CHL1: variants seen among roughly 807,000 people sequenced by gnomAD.
The protein encoded by CHL1 is neural cell adhesion molecule L1-like protein.
In CHL1, 96 loss-of-function variants were observed where a neutral mutation model predicts 141.9. That is an observed-to-expected ratio of 0.68 (90% CI 0.57 to 0.80). The LOEUF (loss-of-function observed/expected upper bound fraction) is 0.80. Among genes scored for constraint, CHL1 ranks in the 30% least tolerant of loss-of-function variants. The probability of loss-of-function intolerance (pLI) is 0.00; values close to 1 mark genes in which losing one functional copy is unlikely to be tolerated. For synonymous variants in CHL1, 613 were observed against 502.2 expected (o/e 1.22, Z -2.95); for missense variants, 1,820 against 1,457.2 (o/e 1.25, Z -4.05).
chr3:280,326 C>T (rs1314721173), intron 2 of CHL1, among the ~76,000 whole-genome samples: 1 of 151,610 alleles, frequency 6.6e-6, no homozygotes, highest in Non-Finnish European at 1.5e-5. Flanking sequence ...GTAGCTATAC[C>T]ATTTTCTAAC....
At position 349,518 on chromosome 3, in the gene CHL1, T is replaced by A; in HGVS notation, c.1008T>A (p.Thr336=). 1.2e-6 allele frequency: 2 copies of A among 1,613,508 alleles called. No individual in the cohort carries two copies. The highest frequency in any genetic ancestry group is 1.7e-6 in the Non-Finnish European group (2 of 1,179,788). ...CCAGCAATTTCTTGGGAACAGCCAC[T>A]CACGATTTTCACGTTATAGTAGAAG... The part of the protein sequence containing the change: ...CTASNFLGTA[T]HDFHVIVEEP... The change falls in exon 10 of 28, where the codon ACT becomes ACA. Residue 336 remains threonine, a synonymous_variant. Transcript: ENST00000256509.
intron 1 of CHL1, chr3:217,688 C>T (rs578089704): frequency 9.2e-5 from 14 of 152,462 alleles, no homozygotes; most frequent in African/African-American, 3.1e-4. Context: ...TGGGAGAAAC[C>T]AGCTGGCACA....
intron 11 of CHL1, among the ~76,000 whole-genome samples, chr3:356,618 T>C (rs566989915): frequency 2.0e-5 from 3 of 152,232 alleles, no homozygotes; most frequent in Non-Finnish European, 2.9e-5. Context: ...AAGATCATAA[T>C]AGTAAGACCC....
intron 2 of CHL1, among the ~76,000 whole-genome samples, chr3:245,066 G>A (rs1693035498): frequency 6.6e-6 from 1 of 152,152 alleles, no homozygotes; most frequent in East Asian, 1.9e-4. Flanking sequence ...AAGGAGGCTT[G>A]AAGTTTCAGT....
In CHL1 at chr3:368,368, A is replaced by G. The variant is rs971835460; in HGVS notation, c.1751+2253A>G. On this transcript the variant is annotated intron_variant, in intron 15 of 27. Coordinates refer to ENST00000256509, the MANE Select transcript of CHL1 (RefSeq NM_006614.4). ...GATCGGTCATGTTGAGCTTTTTTTC[A>G]TATGTTTGTTGGCCATGTAAATGTC... Among the ~76,000 whole-genome samples, 3 of 151,828 alleles carry G rather than the reference A, an allele frequency of 2.0e-5. No individual in the cohort carries two copies. In the East Asian group the frequency reaches 5.8e-4, roughly 29 times the overall value.
chr3:394,994 C>G (rs572637922), intron 24 of CHL1, 122 bp downstream of exon 24: 2 of 825,646 alleles, frequency 2.4e-6, no homozygotes, highest in Non-Finnish European at 3.6e-6. Context: ...ATTGTGATCC[C>G]ACTCTGTCTG....
chr3:391,721 C>T lies in CHL1; in HGVS notation c.2838C>T (p.Asp946=). The change falls in exon 23 of 28, where the codon GAC becomes GAT. Residue 946 remains aspartate, a synonymous_variant. Coordinates refer to ENST00000256509, the MANE Select transcript of CHL1 (RefSeq NM_006614.4). ...TAAAGGTCATCAAAGTTGATAAAGA[C>T]ACTGCCACTTTATCTTGGGGACTAC... is the stretch of plus-strand genomic sequence containing the variant. ...TFLKVIKVDK[D]TATLSWGLPK... 6.2e-7 allele frequency: 1 copy of T among 1,602,978 alleles called. No individual in the cohort carries two copies. The highest frequency in any genetic ancestry group is 8.5e-7 in the Non-Finnish European group (1 of 1,171,508).
At chr3:293,329 T>G (rs767942273) in intron 2 of CHL1, among the ~76,000 whole-genome samples, 7 of 151,830 alleles carry the variant, frequency 4.6e-5, no homozygotes, top group Non-Finnish European at 1.0e-4. Flanking sequence ...TGGGGAAAAC[T>G]TGTCTCTACT....
rs183319323 is a variant in CHL1, at chr3:207,874, A to G, written c.-175+10811A>G. Among the ~76,000 whole-genome samples the G allele has an allele frequency of 2.0e-5, 3 of 152,170 alleles. No individual in the cohort carries two copies. In the South Asian group the frequency reaches 6.2e-4, roughly 31 times the overall value. On this transcript the variant is annotated intron_variant, in intron 1 of 27. Coordinates refer to ENST00000256509, the MANE Select transcript of CHL1 (RefSeq NM_006614.4). The stretch of plus-strand genomic sequence containing the variant: ...GCTGAATAGATTTTGAACACAATTG[A>G]TTTGCTTGAAATAACATTAAAGGAC...
chr3:211,378 A>G (rs1485446558), intron 1 of CHL1, among the ~76,000 whole-genome samples: 1 of 152,198 alleles, frequency 6.6e-6, no homozygotes, highest in Non-Finnish European at 1.5e-5. Context: ...GAGAGCACAG[A>G]GTAGGATGCA....
chr3:353,801 G>T (rs563742806), intron 10 of CHL1, among the ~76,000 whole-genome samples: 1 of 152,280 alleles, frequency 6.6e-6, no homozygotes, highest in East Asian at 1.9e-4. Context: ...GATGGGAGTT[G>T]CTACCTGCAG....
In CHL1 at chr3:311,921, C is replaced by T. The variant is rs141069052; in HGVS notation, c.-94-7762C>T. On this transcript the variant is annotated intron_variant, in intron 2 of 27. Coordinates refer to ENST00000256509, the MANE Select transcript of CHL1 (RefSeq NM_006614.4). ...TGGGATTATTCTCCATCCCTGTAGTCAAATGACCATGAATTTCCGTAATTT... is the reference window on the plus strand; with the variant it reads ...TGGGATTATTCTCCATCCCTGTAGTTAAATGACCATGAATTTCCGTAATTT... 2.2e-3 allele frequency among the ~76,000 whole-genome samples: 335 copies of T among 152,234 alleles called. 2 individuals carry two copies. The highest frequency in any genetic ancestry group is 7.2e-3 in the African/African-American group (299 of 41,542).
At position 267,454 on chromosome 3, in the gene CHL1, A is replaced by C. The variant is rs187285927; in HGVS notation, c.-95+22762A>C. Among the ~76,000 whole-genome samples, 36 of 152,320 alleles carry C rather than the reference A, an allele frequency of 2.4e-4. No individual in the cohort carries two copies. The South Asian group carries it at 7.5e-3, about 32-fold the overall frequency. ...TTTATATTTTACTTCATAATACTGCATTCACTTCCTTTGAAATGTTAGTAT... is the reference window on the plus strand; with the variant it reads ...TTTATATTTTACTTCATAATACTGCCTTCACTTCCTTTGAAATGTTAGTAT... On this transcript the variant is annotated intron_variant, in intron 2 of 27. Coordinates refer to ENST00000256509, the MANE Select transcript of CHL1 (RefSeq NM_006614.4).
chr3:392,582 A>AT (rs1418249873), intron 23 of CHL1, among the ~76,000 whole-genome samples: 1 of 152,168 alleles, frequency 6.6e-6, no homozygotes, highest in East Asian at 1.9e-4. Flanking sequence ...ATTATAGAAA[A>AT]TTTTATCAAC....
intron 1 of CHL1, among the ~76,000 whole-genome samples, chr3:205,177 C>T (rs548923000): frequency 6.8e-6 from 1 of 146,404 alleles, no homozygotes; most frequent in Non-Finnish European, 1.5e-5. Context: ...GTGGTATGGT[C>T]ATCGCTCACT....
chr3:219,740 A>G (rs1453306906), intron 1 of CHL1, among the ~76,000 whole-genome samples: 4 of 152,196 alleles, frequency 2.6e-5, no homozygotes, highest in African/African-American at 9.6e-5. Flanking sequence ...AAATTAACTA[A>G]TGGGAACTAG....
chr3:197,679 C>T (rs895414611), intron 1 of CHL1: 4 of 402,870 alleles, frequency 9.9e-6, no homozygotes, highest in Admixed American at 6.3e-5. Flanking sequence ...AATCCATGGA[C>T]CGTGGGGTTG....
intron 9 of CHL1, among the ~76,000 whole-genome samples, chr3:346,617 G>A (rs895316293): frequency 1.4e-4 from 21 of 152,182 alleles, no homozygotes; most frequent in Non-Finnish European, 2.2e-4. Context: ...CAGAGTGGAT[G>A]AAAATATATG....
chr3:265,315 A>G (rs1456467502), intron 2 of CHL1, among the ~76,000 whole-genome samples: 7 of 152,242 alleles, frequency 4.6e-5, no homozygotes, highest in Non-Finnish European at 1.0e-4. Flanking sequence ...TGATTAAATC[A>G]GAAGATAGTG....
Sources: gnomAD v4.1 joint callset for allele counts (sites outside exome capture counted in the v4.1 genomes callset) on GRCh38, gnomAD v4.1.1 for gene constraint, MANE v1.5 for transcripts, NCBI Gene and HGNC (gene_info 2026-07-23, HGNC 2026-07-21) for gene names.